Variants in KCNIP1 observed in about 807,000 individuals in gnomAD.
The protein encoded by KCNIP1 is A-type potassium channel modulatory protein KCNIP1.
A neutral mutation model predicts 33.0 loss-of-function variants in KCNIP1; 18 were observed. The observed-to-expected ratio is 0.55, with a 90% CI of 0.38 to 0.81. The LOEUF (loss-of-function observed/expected upper bound fraction) is 0.81, where lower values mean the gene tolerates loss of function less well. KCNIP1 is among the 30% of genes least tolerant of loss of function. The probability of loss-of-function intolerance (pLI) is 0.00; values close to 1 mark genes in which losing one functional copy is unlikely to be tolerated. For synonymous variants in KCNIP1, 93 were observed against 98.3 expected (o/e 0.95, Z 0.32); for missense variants, 238 against 271.6 (o/e 0.88, Z 0.87).
chr5:170,412,267 G>A (rs1179909670), intron 1 of KCNIP1, among the ~76,000 whole-genome samples: 4 of 152,144 alleles, frequency 2.6e-5, no homozygotes, highest in African/African-American at 7.2e-5. Flanking sequence ...CACATCTGTG[G>A]GAGAAGCAAG....
chr5:170,484,316 G>A (rs1757037553), intron 1 of KCNIP1: 1 of 152,302 alleles, frequency 6.6e-6, no homozygotes, highest in Admixed American at 6.5e-5. Flanking sequence ...CTCGGGGGCG[G>A]CGGTGGGAGG....
chr5:170,444,596 C>T (rs1667214324), intron 1 of KCNIP1, among the ~76,000 whole-genome samples: 1 of 152,032 alleles, frequency 6.6e-6, no homozygotes, highest in Non-Finnish European at 1.5e-5. Flanking sequence ...ACCACAGCTT[C>T]CATTTGGATT....
At chr5:170,360,889 T>C (rs891206591) in intron 1 of KCNIP1, among the ~76,000 whole-genome samples, 2 of 152,178 alleles carry the variant, frequency 1.3e-5, no homozygotes, top group Non-Finnish European at 2.9e-5. Flanking sequence ...CATCAGGCCA[T>C]GTGGCTGGAG....
rs201550965 is a variant in KCNIP1, at chr5:170,551,908, GTGTA to G, written c.61+47282_61+47285del. Among the ~76,000 whole-genome samples, 621 of 151,948 alleles carry G rather than the reference GTGTA, an allele frequency of 4.1e-3. 5 individuals carry two copies. The highest frequency in any genetic ancestry group is 0.013 in the African/African-American group (534 of 41,442). ...TGAATGTGTACGAGTGTGTGAGTGT[GTGTA>G]TGTATGAGTACACGTATGAATGTGA... is the stretch of plus-strand genomic sequence containing the variant. On this transcript the variant is annotated intron_variant, in intron 1 of 7. Transcript: ENST00000328939.
Position 170,721,972 on chromosome 5 carries a change from G to T in KCNIP1, c.327+69G>T, listed in dbSNP as rs939176610. 8.3e-6 allele frequency: 13 copies of T among 1,560,852 alleles called. 1 individual carries two copies. Among genetic ancestry groups the T allele is most frequent in the South Asian group, 6.7e-5 (6 of 88,942 alleles). On this transcript the variant is annotated intron_variant, in intron 4 of 7. Coordinates refer to ENST00000328939, the MANE Select transcript of KCNIP1 (RefSeq NM_014592.4). ...ATCACCTCCCCCTCTAAATCTCAAGGCATTGGGGGAAGGTCTGGACCATCA... is the reference window on the plus strand; with the variant it reads ...ATCACCTCCCCCTCTAAATCTCAAGTCATTGGGGGAAGGTCTGGACCATCA...
intron 1 of KCNIP1, among the ~76,000 whole-genome samples, chr5:170,433,622 G>C (rs1188368018): frequency 1.3e-5 from 2 of 152,192 alleles, no homozygotes; most frequent in Non-Finnish European, 2.9e-5. Context: ...CAGTGATAAT[G>C]AGCAGGTAGA....
chr5:170,720,976 G>A (rs1189012696), intron 3 of KCNIP1, among the ~76,000 whole-genome samples: 2 of 152,236 alleles, frequency 1.3e-5, no homozygotes, highest in Non-Finnish European at 1.5e-5. Context: ...CTGTTGCCCT[G>A]CCCGACTCCT....
Position 170,409,994 on chromosome 5 carries a change from G to A in KCNIP1, c.88+56030G>A, listed in dbSNP as rs564426895. Among the ~76,000 whole-genome samples the A allele has an allele frequency of 4.3e-4, 63 of 147,564 alleles. 1 individual carries two copies. The South Asian group carries it at 0.013, about 31-fold the overall frequency. On this transcript the variant is annotated intron_variant, in intron 1 of 7. Coordinates refer to the KCNIP1 transcript ENST00000377360. ...GCATTTGACTGGCATTTTTAAGTGT[G>A]TTTTGCTAAAGGCCAAATCTGAATC...
chr5:170,526,699 C>G (rs192910990), intron 1 of KCNIP1, among the ~76,000 whole-genome samples: 1 of 150,914 alleles, frequency 6.6e-6, no homozygotes, highest in East Asian at 1.9e-4. Context: ...ACCTCTCACC[C>G]ATACCTTTTA....
intron 1 of KCNIP1, chr5:170,375,226 G>T (rs1763956972): frequency 6.6e-6 from 1 of 152,090 alleles, no homozygotes; most frequent in Non-Finnish European, 1.5e-5. Context: ...TTAATATTTT[G>T]CAAAACTATA....
chr5:170,446,768 C>T (rs560464777), intron 1 of KCNIP1, among the ~76,000 whole-genome samples: 7 of 152,106 alleles, frequency 4.6e-5, no homozygotes, highest in East Asian at 1.9e-4. Flanking sequence ...CTATCTTCTC[C>T]CCAGTTCTAG....
chr5:170,493,328 T>C (rs1757245660), intron 1 of KCNIP1, among the ~76,000 whole-genome samples: 1 of 152,188 alleles, frequency 6.6e-6, no homozygotes, highest in African/African-American at 2.4e-5. Context: ...TCAATGCTTT[T>C]CAGTTCAGCA....
intron 1 of KCNIP1, among the ~76,000 whole-genome samples, chr5:170,449,427 T>C (rs1005274510): frequency 2.0e-5 from 3 of 152,158 alleles, no homozygotes; most frequent in African/African-American, 7.2e-5. Context: ...ATGAGCACAA[T>C]GTGCAGGGCA....
intron 1 of KCNIP1, among the ~76,000 whole-genome samples, chr5:170,711,351 T>G (rs1308653718): frequency 6.6e-6 from 1 of 152,240 alleles, no homozygotes; most frequent in Non-Finnish European, 1.5e-5. Flanking sequence ...TTATGTCTTT[T>G]CATCTCTCTC....
chr5:170,494,665 G>A (rs1419153515), intron 1 of KCNIP1, among the ~76,000 whole-genome samples: 2 of 152,168 alleles, frequency 1.3e-5, no homozygotes, highest in Admixed American at 1.3e-4. Flanking sequence ...GCTCTTCACA[G>A]CCACTCTTCT....
chr5:170,393,411 A>G (rs978271884), intron 1 of KCNIP1, among the ~76,000 whole-genome samples: 2 of 152,168 alleles, frequency 1.3e-5, no homozygotes, highest in Non-Finnish European at 2.9e-5. Flanking sequence ...GATGGGTGTT[A>G]GTCACTCTCA....
At chr5:170,491,627 G>A (rs769802030) in intron 1 of KCNIP1, among the ~76,000 whole-genome samples, 2 of 152,176 alleles carry the variant, frequency 1.3e-5, no homozygotes, top group Admixed American at 6.5e-5. Context: ...TCATCTTAAG[G>A]GCATTTAGTA....
intron 1 of KCNIP1, among the ~76,000 whole-genome samples, chr5:170,462,264 CAA>C (rs760686464): frequency 3.8e-5 from 2 of 52,042 alleles, no homozygotes; most frequent in Non-Finnish European, 7.0e-5. Flanking sequence ...AACAAATTAG[CAA>C]AAAAAAAAAA....
chr5:170,504,063 G>T lies in KCNIP1; in HGVS notation c.-510G>T. ...TGGCAGCAGGCAGCAGGCAGCAGGC[G>T]GGCGCGCTGTGGCTCCGCGCCGCGC... On this transcript the variant is annotated 5_prime_UTR_variant, in exon 1 of 8. Coordinates refer to ENST00000328939, the MANE Select transcript of KCNIP1 (RefSeq NM_014592.4). This position sits in a 1 kb window ranked among gnomAD's most constrained non-coding sequence, Gnocchi z 6.0. 1 of 984,254 alleles carries T rather than the reference G, an allele frequency of 1.0e-6. No homozygotes were observed. Among genetic ancestry groups the T allele is most frequent in the Non-Finnish European group, 1.2e-6 (1 of 829,958 alleles). The allele number at this position is 984,254 out of a possible 1,614,324, so 61.0% of individuals were successfully genotyped here.
Sources: gnomAD v4.1 joint callset for allele counts (sites outside exome capture counted in the v4.1 genomes callset) on GRCh38, gnomAD v4.1.1 for gene constraint, Gnocchi (gnomAD v3.1) non-coding constraint, MANE v1.5 for transcripts, NCBI Gene and HGNC (gene_info 2026-07-23, HGNC 2026-07-21) for gene names.